Variants in RNF128 observed in about 807,000 individuals in gnomAD.
RNF128 encodes E3 ubiquitin-protein ligase RNF128.
RNF128 carries 13 observed loss-of-function variants against 26.2 expected under a neutral mutation model. The ratio of observed to expected loss-of-function variants is 0.50; its 90% CI spans 0.32 to 0.79. The LOEUF is 0.79. Ranked by LOEUF, RNF128 falls within the 30% of genes least tolerant of loss-of-function variation. The pLI, the probability that RNF128 is intolerant of heterozygous loss-of-function variation, is 0.03. For synonymous variants in RNF128, 149 were observed against 142.5 expected (o/e 1.05, Z -0.32); for missense variants, 315 against 349.7 (o/e 0.90, Z 0.79).
At chrX:106,784,953 G>T in intron 2 of RNF128, 112 bp from the exon 3 acceptor site, 1 of 520,830 alleles carries the variant, frequency 1.9e-6, no homozygotes. Context: ...TTTTAAAATT[G>T]ATTTGTACAT....
intron 1 of RNF128, among the ~76,000 whole-genome samples, chrX:106,767,940 G>T (rs1009979843): frequency 1.8e-5 from 2 of 111,693 alleles, no homozygotes; most frequent in Non-Finnish European, 1.9e-5. Context: ...GTTGAATTTT[G>T]TCAAAGGCCT....
chrX:106,780,555 G>A (rs190273518), intron 2 of RNF128, among the ~76,000 whole-genome samples: 23 of 111,915 alleles, frequency 2.1e-4, no homozygotes, highest in African/African-American at 7.4e-4. Context: ...GAGGAGGAGG[G>A]GAAAGGCAAA....
At chrX:106,742,516 C>G (rs899287687) in intron 1 of RNF128, among the ~76,000 whole-genome samples, 38 of 111,700 alleles carry the variant, frequency 3.4e-4, no homozygotes, top group African/African-American at 1.2e-3. Context: ...CCAGGTGATT[C>G]TTCTGCCTAT....
chrX:106,711,307 T>C (rs1929123061), intron 1 of RNF128, among the ~76,000 whole-genome samples: 1 of 112,021 alleles, frequency 8.9e-6, no homozygotes, highest in South Asian at 3.7e-4. Flanking sequence ...GTAGAATTAT[T>C]TAGTTGGTTT....
intron 1 of RNF128, among the ~76,000 whole-genome samples, chrX:106,762,108 G>A (rs1489429888): frequency 9.1e-6 from 1 of 110,150 alleles, no homozygotes; most frequent in Non-Finnish European, 1.9e-5. Context: ...TTTGTTTGTG[G>A]TAACATCATT....
chrX:106,781,443 G>T (rs1237266387), intron 2 of RNF128, among the ~76,000 whole-genome samples: 1 of 111,445 alleles, frequency 9.0e-6, no homozygotes, highest in Non-Finnish European at 1.9e-5. Context: ...GTTCAAACAC[G>T]TGTTGAATAT....
intron 1 of RNF128, among the ~76,000 whole-genome samples, chrX:106,749,483 T>C (rs1929844083): frequency 8.9e-6 from 1 of 112,337 alleles, no homozygotes; most frequent in Non-Finnish European, 1.9e-5. Context: ...AGGGTTTCTT[T>C]CTTGTTCCAC....
At chrX:106,694,525 T>A in intron 1 of RNF128, 1 of 466,109 alleles carries the variant, frequency 2.1e-6, no homozygotes, top group Non-Finnish European at 3.3e-6. Flanking sequence ...TACTTTAAAT[T>A]TTCTTGCCTG....
At chrX:106,710,176 G>C (rs1296382966) in intron 1 of RNF128, among the ~76,000 whole-genome samples, 1 of 111,488 alleles carries the variant, frequency 9.0e-6, no homozygotes, top group Admixed American at 9.5e-5. Flanking sequence ...CTTTAATATG[G>C]TTGTTTTCCT....
At chrX:106,791,333 A>G (rs1930822686) in intron 6 of RNF128, 99 bp downstream of exon 6, 3 of 817,634 alleles carry the variant, frequency 3.7e-6, no homozygotes, top group Non-Finnish European at 3.4e-6. Context: ...CCATTCAGCC[A>G]TTATCATGAT....
intron 1 of RNF128, among the ~76,000 whole-genome samples, chrX:106,721,164 C>T (rs1386830788): frequency 8.9e-6 from 1 of 112,152 alleles, no homozygotes; most frequent in Non-Finnish European, 1.9e-5. Context: ...CTTCTCTCCA[C>T]ACACCCACCA....
intron 2 of RNF128, among the ~76,000 whole-genome samples, chrX:106,781,550 C>G (rs944781046): frequency 1.8e-5 from 2 of 111,139 alleles, no homozygotes; most frequent in African/African-American, 6.5e-5. Context: ...AGTGAAATAT[C>G]TTGAGTACTA....
upstream of RNF128, among the ~76,000 whole-genome samples, chrX:106,724,820 T>C (rs1929367303): frequency 8.9e-6 from 1 of 111,962 alleles, no homozygotes; most frequent in Non-Finnish European, 1.9e-5. Context: ...TATACTGCAC[T>C]TTCCATTTTA....
At chrX:106,712,074 C>T (rs1215075663) in intron 1 of RNF128, among the ~76,000 whole-genome samples, 4 of 112,229 alleles carry the variant, frequency 3.6e-5, no homozygotes, top group Non-Finnish European at 5.6e-5. Flanking sequence ...GCTAGCCCAC[C>T]GGTGGTGGTT....
intron 1 of RNF128, among the ~76,000 whole-genome samples, chrX:106,696,988 G>C (rs1003495333): frequency 1.8e-5 from 2 of 111,359 alleles, no homozygotes; most frequent in Non-Finnish European, 3.8e-5. Flanking sequence ...ATTCTAGTTT[G>C]CTTGAGATTG....
intron 1 of RNF128, among the ~76,000 whole-genome samples, chrX:106,714,252 G>C (rs2097885740): frequency 9.2e-6 from 1 of 109,060 alleles, no homozygotes; most frequent in African/African-American, 3.3e-5. Flanking sequence ...GTTAAAACTA[G>C]AAACACGGTG....
At chrX:106,709,546 T>C (rs1170068451) in intron 1 of RNF128, among the ~76,000 whole-genome samples, 1 of 111,327 alleles carries the variant, frequency 9.0e-6, no homozygotes, top group Non-Finnish European at 1.9e-5. Context: ...TTAACTGTTA[T>C]AACTTCTTTT....
At chrX:106,695,166 T>C (rs1236848551) in intron 1 of RNF128, among the ~76,000 whole-genome samples, 1 of 110,620 alleles carries the variant, frequency 9.0e-6, no homozygotes, top group Non-Finnish European at 1.9e-5. Context: ...AATGAAGAAG[T>C]AAACTTCTGA....
intron 1 of RNF128, among the ~76,000 whole-genome samples, chrX:106,746,258 G>T (rs961742957): frequency 1.8e-5 from 2 of 110,908 alleles, no homozygotes. Context: ...TTAGTTGAAA[G>T]AGATACTAGA....
Sources: allele counts gnomAD v4.1 joint callset (sites outside exome capture counted in the v4.1 genomes callset), GRCh38; gene constraint gnomAD v4.1.1; transcripts MANE v1.5; gene names NCBI Gene and HGNC (gene_info 2026-07-23, HGNC 2026-07-21).